Variants in MEMO1 observed in about 807,000 individuals in gnomAD.
The protein encoded by MEMO1 is mediator of cell motility 1, also known as protein MEMO1.
Under a neutral mutation model 45.2 loss-of-function variants are expected in MEMO1, and 6 were observed. The observed-to-expected ratio is 0.13, with a 90% CI of 0.07 to 0.26. The LOEUF (loss-of-function observed/expected upper bound fraction) is 0.26, where lower values mean the gene tolerates loss of function less well. Among genes scored for constraint, MEMO1 ranks in the 10% least tolerant of loss-of-function variants. The pLI, the probability that MEMO1 is intolerant of heterozygous loss-of-function variation, is 1.00. For synonymous variants in MEMO1, 78 were observed against 124.3 expected (o/e 0.63, Z 2.48); for missense variants, 184 against 370.5 (o/e 0.50, Z 4.13).
intron 8 of MEMO1, among the ~76,000 whole-genome samples, chr2:31,881,119 C>T (rs1261853996): frequency 6.6e-6 from 1 of 152,130 alleles, no homozygotes; most frequent in Non-Finnish European, 1.5e-5. Context: ...TCAACATCTA[C>T]TGTACTCCTT....
intron 6 of MEMO1, among the ~76,000 whole-genome samples, chr2:31,902,647 T>A (rs1183111831): frequency 6.6e-6 from 1 of 152,202 alleles, no homozygotes; most frequent in Admixed American, 6.5e-5. Context: ...TTAGCCCTTC[T>A]TTTTTTGTCT....
chr2:31,885,888 T>C (rs901749452), intron 7 of MEMO1, among the ~76,000 whole-genome samples: 4 of 152,246 alleles, frequency 2.6e-5, no homozygotes, highest in African/African-American at 9.6e-5. Flanking sequence ...CTGTTCCAAA[T>C]GGCTGAAGTT....
At chr2:31,924,884 T>C (rs1002521958) in intron 4 of MEMO1, among the ~76,000 whole-genome samples, 1 of 152,190 alleles carries the variant, frequency 6.6e-6, no homozygotes, top group African/African-American at 2.4e-5. Context: ...CTAAAATGTA[T>C]CATTGTTAAA....
At chr2:31,923,117 C>T (rs1461677781) in intron 4 of MEMO1, among the ~76,000 whole-genome samples, 2 of 152,064 alleles carry the variant, frequency 1.3e-5, no homozygotes, top group African/African-American at 4.8e-5. Flanking sequence ...TATTTTTCTC[C>T]ACAACCTTGC....
intron 2 of MEMO1, among the ~76,000 whole-genome samples, chr2:31,995,001 AGAGG>A (rs1417344111): frequency 1.4e-5 from 2 of 139,804 alleles, no homozygotes; most frequent in Non-Finnish European, 3.1e-5. Context: ...AGGGAGGGAG[AGAGG>A]GAGGGAGGGA....
intron 2 of MEMO1, among the ~76,000 whole-genome samples, chr2:31,989,363 A>AC (rs1671664871): frequency 6.6e-6 from 1 of 152,250 alleles, no homozygotes; most frequent in South Asian, 2.1e-4. Context: ...TGGGCTTAAC[A>AC]ACTTCCCAAG....
At chr2:31,964,717 TA>T (rs1215866388) in intron 2 of MEMO1, among the ~76,000 whole-genome samples, 4 of 151,238 alleles carry the variant, frequency 2.6e-5, no homozygotes, top group Non-Finnish European at 4.4e-5. Flanking sequence ...AACAAATAAA[TA>T]AATAAATAAT....
At chr2:32,001,619 C>T (rs974525079) in intron 2 of MEMO1, among the ~76,000 whole-genome samples, 4 of 152,068 alleles carry the variant, frequency 2.6e-5, no homozygotes, top group African/African-American at 9.7e-5. Context: ...CTGCAGTTTA[C>T]CAGTTACGAC....
intron 2 of MEMO1, among the ~76,000 whole-genome samples, chr2:31,969,633 G>T (rs1669138809): frequency 7.8e-6 from 1 of 128,888 alleles, no homozygotes; most frequent in Non-Finnish European, 1.7e-5. Context: ...GTGTGTGTGT[G>T]TTTAAGACAG....
chr2:31,945,385 T>C (rs1487458373), intron 2 of MEMO1, among the ~76,000 whole-genome samples: 1 of 152,224 alleles, frequency 6.6e-6, no homozygotes, highest in Non-Finnish European at 1.5e-5. Flanking sequence ...GTAAAAGTGC[T>C]GAATCAGAGG....
intron 2 of MEMO1, among the ~76,000 whole-genome samples, chr2:31,996,948 T>C (rs759394269): frequency 2.6e-5 from 4 of 152,194 alleles, no homozygotes; most frequent in South Asian, 4.2e-4. Context: ...AGACTGAACA[T>C]AGAACACTCG....
intron 2 of MEMO1, among the ~76,000 whole-genome samples, chr2:31,958,514 A>G (rs1281893338): frequency 6.6e-6 from 1 of 152,022 alleles, no homozygotes; most frequent in Admixed American, 6.6e-5. Flanking sequence ...AGTCCCCACA[A>G]AACTTCTATT....
intron 2 of MEMO1, among the ~76,000 whole-genome samples, chr2:31,946,313 T>C (rs1200178274): frequency 6.6e-6 from 1 of 152,128 alleles, no homozygotes; most frequent in African/African-American, 2.4e-5. Flanking sequence ...TGTCCTTCTG[T>C]ATATATTTAT....
At chr2:31,928,921 A>G (rs1226868708) in intron 4 of MEMO1, among the ~76,000 whole-genome samples, 1 of 152,112 alleles carries the variant, frequency 6.6e-6, no homozygotes, top group South Asian at 2.1e-4. Flanking sequence ...AACTTTTTCC[A>G]TTTTGGGACT....
At chr2:31,872,016 A>AACACACACACACACACACACACACACAC (rs55682785) in intron 8 of MEMO1, among the ~76,000 whole-genome samples, 87 of 143,300 alleles carry the variant, frequency 6.1e-4, no homozygotes, top group African/African-American at 2.2e-3. Context: ...TCTGTCTCAA[A>AACACACACACACACACACACACACACAC]ACACACACAC....
Position 31,894,400 on chromosome 2 carries a change from C to T in MEMO1, c.438-2266G>A, listed in dbSNP as rs971806352. Among the ~76,000 whole-genome samples, 7 of 152,170 alleles carry T rather than the reference C, an allele frequency of 4.6e-5. No individual in the cohort carries two copies. In the East Asian group the frequency reaches 1.3e-3, roughly 29 times the overall value. ...CCACACTCAGTAGGAAACAGAAAAG[C>T]CTGCAGATTTCTTAGTCCGAGATTG... On this transcript the variant is annotated intron_variant, in intron 6 of 9. Coordinates refer to ENST00000404530, the MANE Select transcript of MEMO1 (RefSeq NM_001301833.4).
chr2:31,996,003 T>C (rs2148570273), intron 2 of MEMO1, among the ~76,000 whole-genome samples: 1 of 152,250 alleles, frequency 6.6e-6, no homozygotes. Context: ...ACTTAATACC[T>C]ACCAAACTAC....
chr2:31,994,198 T>TG (rs1672293050), intron 2 of MEMO1, among the ~76,000 whole-genome samples: 1 of 148,250 alleles, frequency 6.7e-6, no homozygotes, highest in African/African-American at 2.5e-5. Flanking sequence ...CAACCTCAGG[T>TG]GATCTGCCCA....
chr2:31,870,432 C>T (rs1403611871), intron 8 of MEMO1, among the ~76,000 whole-genome samples: 1 of 152,098 alleles, frequency 6.6e-6, no homozygotes, highest in Non-Finnish European at 1.5e-5. Context: ...ATTTCCATAA[C>T]ATATACTTAA....
Sources: gnomAD v4.1 joint callset for allele counts (sites outside exome capture counted in the v4.1 genomes callset) on GRCh38, gnomAD v4.1.1 for gene constraint, MANE v1.5 for transcripts, NCBI Gene and HGNC (gene_info 2026-07-23, HGNC 2026-07-21) for gene names.